EHMT1: variants seen among roughly 807,000 people sequenced by gnomAD.
EHMT1 encodes euchromatic histone lysine methyltransferase 1.
In EHMT1, 15 loss-of-function variants were observed where a neutral mutation model predicts 147.2. That is an observed-to-expected ratio of 0.10 (90% confidence interval 0.07 to 0.16). The LOEUF (loss-of-function observed/expected upper bound fraction) is 0.16. EHMT1 is among the 10% of genes least tolerant of loss of function. The pLI is 1.00. For missense variants in EHMT1, 1,587 were observed against 1,772.4 expected (o/e 0.90, Z 1.88); for synonymous variants, 795 against 709.6 (o/e 1.12, Z -1.91).
In EHMT1 at chr9:137,657,245, C is replaced by T. The variant is rs374486306; in HGVS notation, c.21+38196C>T. On this transcript the variant is annotated intron_variant, in intron 1 of 26. Coordinates refer to ENST00000460843, the MANE Select transcript of EHMT1 (RefSeq NM_024757.5). ...GGAGCAAGGCGTGGGGCAGCCAGCT[C>T]AGCTGAAGAGGGGTGATTGTCTCAT... Among the ~76,000 whole-genome samples, 17 of 152,272 alleles carry T rather than the reference C, an allele frequency of 1.1e-4. No individual in the cohort carries two copies. In the East Asian group the frequency reaches 1.5e-3, roughly 14 times the overall value.
chr9:137,767,577 C>T (rs1450583990), intron 10 of EHMT1, among the ~76,000 whole-genome samples: 1 of 152,160 alleles, frequency 6.6e-6, no homozygotes, highest in East Asian at 1.9e-4. Context: ...CTTTGGGAGG[C>T]TGAGGTGGGT....
At chr9:137,645,587 GA>G (rs1844825873) in intron 1 of EHMT1, among the ~76,000 whole-genome samples, 1 of 152,218 alleles carries the variant, frequency 6.6e-6, no homozygotes, top group Admixed American at 6.5e-5. Flanking sequence ...AAGCAGCGAA[GA>G]GGGGCCTCCT....
chr9:137,738,640 C>T (rs919979301), intron 4 of EHMT1: 1 of 152,082 alleles, frequency 6.6e-6, no homozygotes, highest in Admixed American at 6.6e-5. Context: ...GGGAAGCCAC[C>T]CGAGGGTCGG....
chr9:137,629,988 G>A (rs1442458793), intron 1 of EHMT1, among the ~76,000 whole-genome samples: 1 of 152,066 alleles, frequency 6.6e-6, no homozygotes, highest in East Asian at 1.9e-4. Flanking sequence ...TTTGGATTTT[G>A]AAAAACAAAG....
chr9:137,762,021 C>T (rs1949865302), intron 9 of EHMT1, among the ~76,000 whole-genome samples: 1 of 152,260 alleles, frequency 6.6e-6, no homozygotes, highest in South Asian at 2.1e-4. Flanking sequence ...GGCACCAGCC[C>T]TGGCTGTGCT....
chr9:137,650,921 T>C (rs1937733594), intron 1 of EHMT1: 2 of 152,068 alleles, frequency 1.3e-5, no homozygotes, highest in Non-Finnish European at 1.5e-5. Context: ...GCCATATGAA[T>C]ATGAATATGT....
intron 1 of EHMT1, among the ~76,000 whole-genome samples, chr9:137,692,199 A>G (rs1316969142): frequency 6.6e-6 from 1 of 151,548 alleles, no homozygotes; most frequent in Non-Finnish European, 1.5e-5. Flanking sequence ...GCACCTGTGG[A>G]TCTTTCACAT....
chr9:137,783,380 A>T (rs934943851), intron 15 of EHMT1, among the ~76,000 whole-genome samples: 2 of 152,132 alleles, frequency 1.3e-5, no homozygotes, highest in Non-Finnish European at 2.9e-5. Flanking sequence ...GATTCTTAAC[A>T]TGTGTGGTCA....
chr9:137,792,431 G>A (rs933025325), intron 16 of EHMT1, among the ~76,000 whole-genome samples: 6 of 152,330 alleles, frequency 3.9e-5, no homozygotes, highest in South Asian at 2.1e-4. Context: ...ACAGCTGGGC[G>A]TGGTGGCTCA....
At chr9:137,641,467 C>A in intron 1 of EHMT1, 2 of 503,670 alleles carry the variant, frequency 4.0e-6, no homozygotes, top group Non-Finnish European at 3.9e-6. Flanking sequence ...TCCTCCCAAG[C>A]AGTGCAGACG....
intron 8 of EHMT1, among the ~76,000 whole-genome samples, chr9:137,755,181 C>G (rs749455230): frequency 1.3e-5 from 2 of 152,184 alleles, no homozygotes; most frequent in Non-Finnish European, 2.9e-5. Flanking sequence ...GTCAGATGAT[C>G]AGTGCCATGA....
intron 2 of EHMT1, among the ~76,000 whole-genome samples, chr9:137,711,530 C>T (rs1365812719): frequency 6.6e-6 from 1 of 152,156 alleles, no homozygotes; most frequent in Non-Finnish European, 1.5e-5. Context: ...CCACAAGCTG[C>T]ATGACTCCAA....
intron 4 of EHMT1, among the ~76,000 whole-genome samples, chr9:137,739,509 A>T (rs117745891): frequency 4.6e-5 from 7 of 152,250 alleles, no homozygotes; most frequent in Non-Finnish European, 1.0e-4. Flanking sequence ...TAGAAGCTGC[A>T]GGTCCCTGCT....
intron 1 of EHMT1, among the ~76,000 whole-genome samples, chr9:137,620,277 A>G (rs1842874230): frequency 6.6e-6 from 1 of 152,194 alleles, no homozygotes; most frequent in Non-Finnish European, 1.5e-5. Context: ...AGGGGAGAAG[A>G]CGTGTAGTGA....
At chr9:137,639,412 A>G (rs1404926876) in intron 1 of EHMT1, among the ~76,000 whole-genome samples, 1 of 152,196 alleles carries the variant, frequency 6.6e-6, no homozygotes, top group African/African-American at 2.4e-5. Flanking sequence ...TTGAGAGTAG[A>G]GTATGAGATC....
At chr9:137,831,124 C>T (rs1194461172) in intron 25 of EHMT1, among the ~76,000 whole-genome samples, 1 of 152,176 alleles carries the variant, frequency 6.6e-6, no homozygotes, top group Non-Finnish European at 1.5e-5. Context: ...CCTCCACTCC[C>T]ATGACCTAAT....
At chr9:137,752,132 G>T (rs1471634914) in intron 6 of EHMT1, among the ~76,000 whole-genome samples, 199 bp from the exon 7 acceptor site, 1 of 152,194 alleles carries the variant, frequency 6.6e-6, no homozygotes, top group Non-Finnish European at 1.5e-5. Context: ...CTCTGGCCCT[G>T]CCTGGACCAG....
intron 16 of EHMT1, among the ~76,000 whole-genome samples, chr9:137,794,051 A>G (rs999746540): frequency 6.6e-6 from 1 of 152,216 alleles, no homozygotes; most frequent in South Asian, 2.1e-4. Flanking sequence ...TTAGTCTTTC[A>G]TATTAATACA....
chr9:137,677,584 C>A (rs2134440383), intron 1 of EHMT1, among the ~76,000 whole-genome samples: 1 of 152,050 alleles, frequency 6.6e-6, no homozygotes, highest in East Asian at 1.9e-4. Flanking sequence ...CGCCACCACG[C>A]CCGGCTAAGT....
Sources: gnomAD v4.1 joint callset for allele counts (sites outside exome capture counted in the v4.1 genomes callset) on GRCh38, gnomAD v4.1.1 for gene constraint, MANE v1.5 for transcripts, NCBI Gene and HGNC (gene_info 2026-07-23, HGNC 2026-07-21) for gene names.